Variants in MAPRE2 observed in about 807,000 individuals in gnomAD.
MAPRE2 encodes microtubule-associated protein RP/EB family member 2.
MAPRE2 carries 13 observed loss-of-function variants against 43.2 expected under a neutral mutation model. That is an observed-to-expected ratio of 0.30 (90% CI 0.20 to 0.48). The LOEUF (loss-of-function observed/expected upper bound fraction) is 0.48, where lower values mean the gene tolerates loss of function less well. Ranked by LOEUF, MAPRE2 falls within the 20% of genes least tolerant of loss-of-function variation. The pLI, the probability that MAPRE2 is intolerant of heterozygous loss-of-function variation, is 0.99. For synonymous variants in MAPRE2, 135 were observed against 148.8 expected, an observed-to-expected ratio of 0.91 and a Z score of 0.68; for missense variants, 161 against 400.2, an observed-to-expected ratio of 0.40 and a Z score of 5.10.
intron 2 of MAPRE2, among the ~76,000 whole-genome samples, chr18:35,024,471 A>G (rs1365355539): frequency 1.3e-5 from 2 of 152,224 alleles, no homozygotes; most frequent in Admixed American, 1.3e-4. Flanking sequence ...AGTAGAACAA[A>G]GCATTTTATG....
chr18:34,989,438 G>T (rs1335519771), intron 1 of MAPRE2, among the ~76,000 whole-genome samples: 1 of 152,132 alleles, frequency 6.6e-6, no homozygotes, highest in Non-Finnish European at 1.5e-5. Context: ...ACCTGTGTGT[G>T]GTGGCTCATG....
rs138635601 is a variant in MAPRE2 at position 35,132,127 on chromosome 18, C to T, written c.846C>T (p.His282=). The T allele has an allele frequency of 4.2e-4, 674 of 1,614,122 alleles. 1 individual carries two copies. The African/African-American group carries it at 7.8e-3, about 19-fold the overall frequency. ...LREIELLCQE[H]GQENDDLVQR... ...AGATCGAGCTACTCTGCCAAGAACA[C>T]GGGCAGGAAAATGATGACCTCGTGC... Residue 282 remains histidine (H), a synonymous_variant, in exon 6 of 7, where the codon CAC becomes CAT. Transcript: ENST00000300249.
rs1029639786 is a variant in MAPRE2, at chr18:35,121,902, C to A, written c.611-5046C>A. On this transcript the variant is annotated intron_variant, in intron 4 of 6. Transcript: ENST00000300249. The stretch of plus-strand genomic sequence containing the variant: ...AGATGGTAGCTCACATAAAAGTATT[C>A]TATCAATGTTAAGTTTATGACATTG... Among the ~76,000 whole-genome samples, 12 of 152,200 alleles carry A rather than the reference C, an allele frequency of 7.9e-5. No individual in the cohort carries two copies. The South Asian group carries it at 2.5e-3, about 32-fold the overall frequency.
chr18:35,139,962 CTG>C (rs1603405159), intron 6 of MAPRE2, among the ~76,000 whole-genome samples: 1 of 152,212 alleles, frequency 6.6e-6, no homozygotes, highest in Admixed American at 6.5e-5. Flanking sequence ...TCTTGGATCA[CTG>C]TGTTTGGTTT....
At chr18:35,120,788 G>C (rs1026289860) in intron 4 of MAPRE2, among the ~76,000 whole-genome samples, 1 of 152,024 alleles carries the variant, frequency 6.6e-6, no homozygotes, top group Non-Finnish European at 1.5e-5. Context: ...AAGGTGCAGG[G>C]GATAAGAAAG....
intron 1 of MAPRE2, among the ~76,000 whole-genome samples, chr18:34,983,580 A>C (rs2150570166): frequency 6.6e-6 from 1 of 152,240 alleles, no homozygotes; most frequent in South Asian, 2.1e-4. Flanking sequence ...ATGATGTGGA[A>C]ACTTGCTGTT....
chr18:35,073,500 AT>A (rs1196306056), intron 2 of MAPRE2, among the ~76,000 whole-genome samples: 2 of 152,140 alleles, frequency 1.3e-5, no homozygotes, highest in African/African-American at 4.8e-5. Context: ...GTGGGATTTT[AT>A]TTTAGCAGTA....
rs73414671 is a variant in MAPRE2, at chr18:35,128,036, G to A, written c.750+949G>A. Among the ~76,000 whole-genome samples the A allele has an allele frequency of 8.4e-3, 1,283 of 152,276 alleles. 20 individuals are homozygous for A. Among genetic ancestry groups the A allele is most frequent in the African/African-American group, 0.03 (1,241 of 41,554 alleles). ...TTCCCAGCCGCTCACTGGGCCCGTCGTGGTGATTAATCTTATTCTTGATGA... is the reference window on the plus strand; with the variant it reads ...TTCCCAGCCGCTCACTGGGCCCGTCATGGTGATTAATCTTATTCTTGATGA... On this transcript the variant is annotated intron_variant, in intron 5 of 6. Coordinates refer to ENST00000300249, the MANE Select transcript of MAPRE2 (RefSeq NM_014268.4).
chr18:35,097,808 T>TA (rs1908495389), intron 3 of MAPRE2, among the ~76,000 whole-genome samples: 1 of 152,204 alleles, frequency 6.6e-6, no homozygotes. Context: ...GACTAAAAAC[T>TA]AACAGGGCTC....
At chr18:35,080,344 A>G (rs1012163959) in intron 2 of MAPRE2, among the ~76,000 whole-genome samples, 1 of 152,242 alleles carries the variant, frequency 6.6e-6, no homozygotes, top group African/African-American at 2.4e-5. Flanking sequence ...CACAGATCAT[A>G]TCCAGTTAGG....
At chr18:35,036,372 T>C (rs973160590) in intron 2 of MAPRE2, among the ~76,000 whole-genome samples, 2 of 152,162 alleles carry the variant, frequency 1.3e-5, no homozygotes, top group Non-Finnish European at 2.9e-5. Flanking sequence ...ACTGTCAACA[T>C]CAGACTTTTT....
chr18:35,109,593 T>C (rs1378880460), intron 4 of MAPRE2, among the ~76,000 whole-genome samples: 1 of 152,158 alleles, frequency 6.6e-6, no homozygotes, highest in Non-Finnish European at 1.5e-5. Flanking sequence ...TTATCTTTGA[T>C]AATATTCTTT....
chr18:35,112,726 A>G (rs1909235645), intron 4 of MAPRE2, among the ~76,000 whole-genome samples: 1 of 152,238 alleles, frequency 6.6e-6, no homozygotes, highest in South Asian at 2.1e-4. Flanking sequence ...TGTAAGATGT[A>G]TAAAAGACAC....
chr18:35,090,740 AAAAAAAG>A lies in MAPRE2; in HGVS notation c.251-6700_251-6694del, dbSNP rs1389190211. Among the ~76,000 whole-genome samples the A allele has an allele frequency of 1.2e-3, 179 of 150,778 alleles. 1 individual carries two copies. Among genetic ancestry groups the A allele is most frequent in the African/African-American group, 4.0e-3 (161 of 40,344 alleles). The stretch of plus-strand genomic sequence containing the variant: ...GAGCAAGATTCGGTCTCAAAAAAAA[AAAAAAAG>A]AAAAAGAAAAAGAAAAAAAATAGGA... On this transcript the variant is annotated intron_variant, in intron 2 of 6. Coordinates refer to ENST00000300249, the MANE Select transcript of MAPRE2 (RefSeq NM_014268.4).
upstream of MAPRE2, among the ~76,000 whole-genome samples, chr18:35,038,998 A>G (rs1008597418): frequency 1.3e-5 from 2 of 152,210 alleles, no homozygotes; most frequent in African/African-American, 2.4e-5. Context: ...CTTCATGAGC[A>G]GACTAGAAAC....
At chr18:35,118,323 C>T (rs376452929) in intron 4 of MAPRE2, among the ~76,000 whole-genome samples, 4 of 152,250 alleles carry the variant, frequency 2.6e-5, no homozygotes, top group South Asian at 2.1e-4. Flanking sequence ...GGAGGGAAAC[C>T]GGCTGACTCA....
chr18:35,123,289 A>G (rs1215013079), intron 4 of MAPRE2, among the ~76,000 whole-genome samples: 1 of 151,990 alleles, frequency 6.6e-6, no homozygotes, highest in Non-Finnish European at 1.5e-5. Context: ...TGTTTCTTCC[A>G]TGATTTTTTC....
At chr18:35,033,125 C>A (rs986228839) in intron 2 of MAPRE2, among the ~76,000 whole-genome samples, 1 of 152,058 alleles carries the variant, frequency 6.6e-6, no homozygotes, top group Non-Finnish European at 1.5e-5. Context: ...AAAATACTGG[C>A]AAACTGAATC....
intron 2 of MAPRE2, among the ~76,000 whole-genome samples, chr18:35,081,645 C>T (rs927513946): frequency 1.3e-5 from 2 of 152,064 alleles, no homozygotes; most frequent in Admixed American, 1.3e-4. Flanking sequence ...GGAGTTCTCA[C>T]CTGCAAGTCT....
Sources: allele counts gnomAD v4.1 joint callset (sites outside exome capture counted in the v4.1 genomes callset), GRCh38; gene constraint gnomAD v4.1.1; transcripts MANE v1.5; gene names NCBI Gene and HGNC (gene_info 2026-07-23, HGNC 2026-07-21).